The following FAM178B variants were observed in gnomAD, a reference collection of about 807,000 sequenced individuals.
FAM178B encodes the protein protein FAM178B.
FAM178B carries 82 observed loss-of-function variants against 91.7 expected under a neutral mutation model. That is an observed-to-expected ratio of 0.89 (90% CI 0.75 to 1.07). The LOEUF (loss-of-function observed/expected upper bound fraction) is 1.07. Among genes scored for constraint, FAM178B ranks in the 50% least tolerant of loss-of-function variants. FAM178B has a pLI of 0.00. For missense variants in FAM178B, 769 were observed against 846.7 expected (o/e 0.91, Z 1.14); for synonymous variants, 368 against 359.4 (o/e 1.02, Z -0.27).
intron 12 of FAM178B, among the ~76,000 whole-genome samples, chr2:96,911,939 A>G (rs2081166186): frequency 6.6e-6 from 1 of 152,168 alleles, no homozygotes; most frequent in South Asian, 2.1e-4. Flanking sequence ...CTCAGCAGCA[A>G]AGTCTGGCCA....
At chr2:96,920,398 G>A (rs546816021) in intron 12 of FAM178B, among the ~76,000 whole-genome samples, 9 of 152,320 alleles carry the variant, frequency 5.9e-5, no homozygotes, top group African/African-American at 1.9e-4. Flanking sequence ...TCAGGAGATT[G>A]AGACCATCCT....
intron 8 of FAM178B, among the ~76,000 whole-genome samples, chr2:96,942,385 C>A (rs2081747309): frequency 6.6e-6 from 1 of 152,088 alleles, no homozygotes; most frequent in African/African-American, 2.4e-5. Context: ...TGGAAAGGAC[C>A]CCAAACAGCC....
In FAM178B at chr2:96,894,189, C is replaced by A. The variant is rs565767321; in HGVS notation, c.1651-138G>T. On this transcript the variant is annotated intron_variant, in intron 13 of 16. Transcript: ENST00000490605. ...CTTCTGAGACACAGACCCACCTCTA[C>A]CTTATGAACTGTGGCCTCTCGGATC... is the stretch of plus-strand genomic sequence containing the variant. 385 of 921,940 alleles carry A rather than the reference C, an allele frequency of 4.2e-4. 4 individuals are homozygous for A. In the South Asian group the frequency reaches 5.5e-3, roughly 13 times the overall value. 57.1% of individuals were successfully genotyped at this position (921,940 alleles called of 1,614,324 possible).
chr2:96,941,315 T>A (rs2081726148), intron 8 of FAM178B, among the ~76,000 whole-genome samples: 1 of 152,222 alleles, frequency 6.6e-6, no homozygotes, highest in South Asian at 2.1e-4. Flanking sequence ...GTGGTAAGAT[T>A]GCTGGCCATC....
At chr2:96,881,828 CT>C (rs747488394) in intron 14 of FAM178B, among the ~76,000 whole-genome samples, 1 of 152,142 alleles carries the variant, frequency 6.6e-6, no homozygotes, top group Non-Finnish European at 1.5e-5. Flanking sequence ...GAGAAAAACC[CT>C]GTTAACCACA....
chr2:96,935,961 C>T (rs755069220), intron 8 of FAM178B, among the ~76,000 whole-genome samples: 1 of 151,286 alleles, frequency 6.6e-6, no homozygotes, highest in Admixed American at 6.6e-5. Context: ...TAGAACTGCA[C>T]AACACAACCC....
chr2:96,948,953 C>A (rs375488757), intron 7 of FAM178B, among the ~76,000 whole-genome samples: 5 of 152,334 alleles, frequency 3.3e-5, no homozygotes, highest in South Asian at 2.1e-4. Flanking sequence ...CACGCCCCCC[C>A]CAGTAAGCCT....
At chr2:96,948,151 G>A (rs1293765558) in intron 7 of FAM178B, among the ~76,000 whole-genome samples, 1 of 152,236 alleles carries the variant, frequency 6.6e-6, no homozygotes, top group Non-Finnish European at 1.5e-5. Flanking sequence ...AGACACCCAG[G>A]TCTGTGCCAC....
intron 12 of FAM178B, among the ~76,000 whole-genome samples, chr2:96,914,011 G>A (rs1351943656): frequency 1.3e-5 from 2 of 152,254 alleles, no homozygotes; most frequent in Non-Finnish European, 2.9e-5. Flanking sequence ...GATCAGAAGA[G>A]AGCCAAACAT....
rs1302201869 is a variant in FAM178B, at chr2:96,972,140, C to T, written c.325G>A (p.Asp109Asn). ...AATTCCACGGGCGGGGGGCTCCAGT[C>T]AGTGGGAAACGTTTCCCCAGGTGCC... ...IQAPGETFPT[D>N]WSPPPVEFLN... The change falls in exon 3 of 17, where the codon GAC becomes AAC. Residue 109 changes from aspartate to asparagine, a missense_variant. Transcript: ENST00000490605. The T allele has an allele frequency of 6.5e-6, 10 of 1,535,762 alleles. No individual in the cohort carries two copies. The East Asian group carries it at 2.4e-4, about 38-fold the overall frequency.
intron 5 of FAM178B, among the ~76,000 whole-genome samples, chr2:96,964,991 CTTTA>C (rs1022964955): frequency 1.4e-4 from 21 of 152,162 alleles, no homozygotes; most frequent in African/African-American, 4.6e-4. Flanking sequence ...GGTTTGGTGG[CTTTA>C]TTTATTATTT....
chr2:96,979,263 C>T (rs2082331002), intron 1 of FAM178B, among the ~76,000 whole-genome samples: 1 of 144,886 alleles, frequency 6.9e-6, no homozygotes, highest in East Asian at 2.0e-4. Flanking sequence ...GCGTGAGCCA[C>T]TGCGCCCAGG....
chr2:96,919,619 G>A (rs1385580811), intron 12 of FAM178B, among the ~76,000 whole-genome samples: 1 of 152,226 alleles, frequency 6.6e-6, no homozygotes, highest in Non-Finnish European at 1.5e-5. Flanking sequence ...TGGCAAAGCA[G>A]AGTGGATGGG....
chr2:96,982,813 C>T (rs2082379549), intron 1 of FAM178B, among the ~76,000 whole-genome samples: 1 of 137,798 alleles, frequency 7.3e-6, no homozygotes, highest in Non-Finnish European at 1.5e-5. Context: ...CTCCTGGGCT[C>T]AAGCAATCCT....
At chr2:96,904,780 A>G (rs2081000414) in intron 12 of FAM178B, among the ~76,000 whole-genome samples, 1 of 151,984 alleles carries the variant, frequency 6.6e-6, no homozygotes, top group Non-Finnish European at 1.5e-5. Context: ...CAGGATGTTG[A>G]GGTGGGAGGA....
intron 12 of FAM178B, among the ~76,000 whole-genome samples, chr2:96,911,147 G>A (rs763689622): frequency 7.2e-5 from 11 of 152,120 alleles, no homozygotes; most frequent in Admixed American, 2.0e-4. Context: ...GCACGAGTGT[G>A]CTGAGTGAGT....
intron 16 of FAM178B, among the ~76,000 whole-genome samples, chr2:96,877,024 GT>G (rs778593201): frequency 2.0e-5 from 3 of 152,302 alleles, no homozygotes; most frequent in South Asian, 2.1e-4. Flanking sequence ...AGGGCCTCTG[GT>G]TAGTCTGCTC....
intron 12 of FAM178B, among the ~76,000 whole-genome samples, chr2:96,906,949 G>A (rs144098077): frequency 0.012 from 1,817 of 152,304 alleles, 129 homozygotes; most frequent in Admixed American, 0.11. Flanking sequence ...TACTCACAGC[G>A]GGCGAGGAGG....
chr2:96,951,417 G>A lies in FAM178B; in HGVS notation c.955C>T (p.Pro319Ser). The A allele has an allele frequency of 2.6e-6, 4 of 1,551,614 alleles. No homozygotes were observed. The highest frequency in any genetic ancestry group is 3.5e-6 in the Non-Finnish European group (4 of 1,146,932). Residue 319 changes from proline (P) to serine (S), a missense_variant, in exon 7 of 17, where the codon CCT becomes TCT. Coordinates refer to ENST00000490605, the MANE Select transcript of FAM178B (RefSeq NM_001122646.3). ...TGGAGCAGGGATACCGGGCAGTCAG[G>A]CATGTGCAGGTAGAGGATGTTCAGG... ...GLLNILYLHM[P>S]DCPVSLLQWL... is the part of the protein sequence containing the mutation.
Sources: gnomAD v4.1 joint callset for allele counts (sites outside exome capture counted in the v4.1 genomes callset) on GRCh38, gnomAD v4.1.1 for gene constraint, MANE v1.5 for transcripts, NCBI Gene and HGNC (gene_info 2026-07-23, HGNC 2026-07-21) for gene names.